Variants in SEC22C observed in about 807,000 individuals in gnomAD.
The protein encoded by SEC22C is vesicle-trafficking protein SEC22c.
In SEC22C, 29 loss-of-function variants were observed where a neutral mutation model predicts 34.7. That is an observed-to-expected ratio of 0.84 (90% CI 0.62 to 1.14). SEC22C has a LOEUF of 1.14. Ranked by LOEUF, SEC22C falls within the 50% of genes most tolerant of loss-of-function variation. The probability of loss-of-function intolerance (pLI) is 0.00; values close to 1 mark genes in which losing one functional copy is unlikely to be tolerated. For synonymous variants in SEC22C, 117 were observed against 132.8 expected, an observed-to-expected ratio of 0.88 and a Z score of 0.82; for missense variants, 337 against 369.0, an observed-to-expected ratio of 0.91 and a Z score of 0.71.
intron 6 of SEC22C, among the ~76,000 whole-genome samples, chr3:42,555,338 C>T (rs1702469548): frequency 6.9e-6 from 1 of 145,068 alleles, no homozygotes. Flanking sequence ...CAGTGCAAGA[C>T]TCCGTCTCAA....
intron 2 of SEC22C, 21 bp downstream of exon 2, chr3:42,568,844 A>G: frequency 6.2e-7 from 1 of 1,607,474 alleles, no homozygotes; most frequent in Middle Eastern, 1.7e-4. Context: ...ATATTCTGAA[A>G]AAGTGAATAT....
At position 42,553,184 on chromosome 3, in the gene SEC22C, G is replaced by A; in HGVS notation, c.*64C>T. 3 of 1,589,158 alleles carry A rather than the reference G, an allele frequency of 1.9e-6. No individual in the cohort carries two copies. Among genetic ancestry groups the A allele is most frequent in the African/African-American group, 1.3e-5 (1 of 74,230 alleles). On this transcript the variant is annotated 3_prime_UTR_variant, in exon 7 of 7. Transcript: ENST00000264454. ...AACTGGAGTGTAAAGTAGAGAAGCA[G>A]AAAGAGAAACATAGATTGATCCTCA...
At chr3:42,590,767 G>C in intron 1 of SEC22C, 1 of 935,362 alleles carries the variant, frequency 1.1e-6, no homozygotes, top group East Asian at 2.4e-5. Flanking sequence ...GCTCTTGCGC[G>C]TCCAGTCACA....
intron 2 of SEC22C, among the ~76,000 whole-genome samples, chr3:42,564,858 A>G (rs1041150376): frequency 3.3e-5 from 5 of 152,164 alleles, no homozygotes; most frequent in African/African-American, 1.2e-4. Flanking sequence ...CCCAGGCTCA[A>G]GCCATCCTCC....
At chr3:42,561,350 A>G (rs573462210) in intron 3 of SEC22C, 54 bp from the exon 4 acceptor site, 2 of 1,541,306 alleles carry the variant, frequency 1.3e-6, no homozygotes, top group Non-Finnish European at 1.8e-6. Flanking sequence ...GGATATTATA[A>G]GACAATACGT....
intron 1 of SEC22C, among the ~76,000 whole-genome samples, chr3:42,600,010 A>G (rs1327625101): frequency 6.6e-6 from 1 of 152,258 alleles, no homozygotes; most frequent in Non-Finnish European, 1.5e-5. Context: ...AGATTGGGAA[A>G]AAGACTTCGC....
rs1702210162 is a variant in SEC22C at position 42,550,698 on chromosome 3, G to A, written c.*2550C>T. The A allele has an allele frequency of 1.0e-6, 1 of 984,780 alleles. No homozygotes were observed. Among genetic ancestry groups the A allele is most frequent in the Admixed American group, 6.2e-5 (1 of 16,216 alleles). 61.0% of individuals were successfully genotyped at this position (984,780 alleles called of 1,614,324 possible). ...ATAACATCTCTGGTAGTGCCTCGGT[G>A]GTCAGGAAGCATTACCAGGAAGGAC... On this transcript the variant is annotated 3_prime_UTR_variant, in exon 7 of 7. Coordinates refer to ENST00000264454, the MANE Select transcript of SEC22C (RefSeq NM_032970.4).
rs146038938 is a variant in SEC22C, at chr3:42,600,190, G to A, written c.-28+770C>T. ...TCAGTAAGCACAGGACAAAAACGGTGCCAGTGACGCTGGTGCCAAAGCGGG... is the reference window on the plus strand; with the variant it reads ...TCAGTAAGCACAGGACAAAAACGGTACCAGTGACGCTGGTGCCAAAGCGGG... On this transcript the variant is annotated intron_variant, in intron 1 of 6. Coordinates refer to the SEC22C transcript ENST00000417572. 5.3e-4 allele frequency among the ~76,000 whole-genome samples: 81 copies of A among 152,284 alleles called. No homozygotes were observed. In the East Asian group the frequency reaches 0.011, roughly 21 times the overall value.
At position 42,552,211 on chromosome 3, in the gene SEC22C, T is replaced by TA; in HGVS notation, c.*1036dup. The TA allele has an allele frequency of 1.0e-6, 1 of 985,332 alleles. No homozygotes were observed. The highest frequency in any genetic ancestry group is 4.7e-5 in the South Asian group (1 of 21,286). 61.0% of individuals were successfully genotyped at this position (985,332 alleles called of 1,614,324 possible). A position where few individuals can be genotyped will look rare whatever the true frequency, so the allele number is the denominator to read the frequency against. ...TTAACAGATACTTAACTCTTGTTCA[T>TA]AAAAAATGAGGCCCTCAAGCTAATT... On this transcript the variant is annotated 3_prime_UTR_variant, in exon 7 of 7. Coordinates refer to ENST00000264454, the MANE Select transcript of SEC22C (RefSeq NM_032970.4).
intron 1 of SEC22C, among the ~76,000 whole-genome samples, chr3:42,589,877 C>T (rs1704755424): frequency 6.6e-6 from 1 of 152,154 alleles, no homozygotes; most frequent in Non-Finnish European, 1.5e-5. Context: ...CAGGAGTAAC[C>T]ATGTGGCCCA....
chr3:42,563,873 T>G (rs974911492), intron 2 of SEC22C, 187 bp from the exon 3 acceptor site: 7 of 1,483,768 alleles, frequency 4.7e-6, no homozygotes, highest in Non-Finnish European at 6.3e-6. Flanking sequence ...CCGCTTCCTT[T>G]AAAATGTCTA....
intron 1 of SEC22C, among the ~76,000 whole-genome samples, chr3:42,589,108 C>CAA (rs35697413): frequency 1.4e-4 from 21 of 145,574 alleles, no homozygotes; most frequent in South Asian, 4.3e-4. Context: ...ACTAAAGATA[C>CAA]AAAAAAAAAA....
At chr3:42,583,187 T>C (rs1342592234), upstream of SEC22C, among the ~76,000 whole-genome samples, 1 of 152,198 alleles carries the variant, frequency 6.6e-6, no homozygotes. Context: ...CTTTGGCTGC[T>C]AAAGTGCAGA....
chr3:42,589,591 C>A (rs1037467108), intron 1 of SEC22C, among the ~76,000 whole-genome samples: 1 of 152,196 alleles, frequency 6.6e-6, no homozygotes, highest in Non-Finnish European at 1.5e-5. Flanking sequence ...CATTCTGCCC[C>A]CTCAGATCAG....
intron 6 of SEC22C, among the ~76,000 whole-genome samples, chr3:42,555,052 A>T (rs901027264): frequency 2.2e-4 from 33 of 152,156 alleles, no homozygotes; most frequent in African/African-American, 7.2e-4. Context: ...TTTTTAAAAA[A>T]TTTTTTGCAG....
intron 1 of SEC22C, chr3:42,580,574 G>A (rs1233151628): frequency 1.3e-5 from 2 of 152,196 alleles, no homozygotes; most frequent in African/African-American, 4.8e-5. Context: ...GAGGGGTAGG[G>A]AACTAAACTT....
chr3:42,549,686 T>A lies in SEC22C; in HGVS notation c.*3562A>T. ...GTTACAATTAAAGATGGTTTTCTCATCCCTCCAGAGACTCCAGTTTCAGAC... is the reference window on the plus strand; with the variant it reads ...GTTACAATTAAAGATGGTTTTCTCAACCCTCCAGAGACTCCAGTTTCAGAC... On this transcript the variant is annotated 3_prime_UTR_variant, in exon 7 of 7. Coordinates refer to ENST00000264454, the MANE Select transcript of SEC22C (RefSeq NM_032970.4). 1 of 985,442 alleles carries A rather than the reference T, an allele frequency of 1.0e-6. No individual in the cohort carries two copies. Among genetic ancestry groups the A allele is most frequent in the Non-Finnish European group, 1.2e-6 (1 of 829,974 alleles). 61.0% of individuals were successfully genotyped at this position (985,442 alleles called of 1,614,324 possible).
rs1473293007 is a variant in SEC22C, at chr3:42,552,215, A to C, written c.*1033T>G. ...CAGATACTTAACTCTTGTTCATAAA[A>C]AATGAGGCCCTCAAGCTAATTAAGA... On this transcript the variant is annotated 3_prime_UTR_variant, in exon 7 of 7. Coordinates refer to ENST00000264454, the MANE Select transcript of SEC22C (RefSeq NM_032970.4). 12 of 985,318 alleles carry C rather than the reference A, an allele frequency of 1.2e-5. No homozygotes were observed. The highest frequency in any genetic ancestry group is 1.4e-5 in the Non-Finnish European group (12 of 829,900). The allele number at this position is 985,318 out of a possible 1,614,324, so 61.0% of individuals were successfully genotyped here.
rs983480344 is a variant in SEC22C at position 42,549,682 on chromosome 3, C to T, written c.*3566G>A. ...ATTTGTTACAATTAAAGATGGTTTT[C>T]TCATCCCTCCAGAGACTCCAGTTTC... On this transcript the variant is annotated 3_prime_UTR_variant, in exon 7 of 7. Transcript: ENST00000264454. 78 of 985,398 alleles carry T rather than the reference C, an allele frequency of 7.9e-5. No individual in the cohort carries two copies. Among genetic ancestry groups the T allele is most frequent in the Middle Eastern group, 5.2e-4 (1 of 1,938 alleles). The allele number at this position is 985,398 out of a possible 1,614,324, so 61.0% of individuals were successfully genotyped here.
Sources: allele counts gnomAD v4.1 joint callset (sites outside exome capture counted in the v4.1 genomes callset), GRCh38; gene constraint gnomAD v4.1.1; transcripts MANE v1.5; gene names NCBI Gene and HGNC (gene_info 2026-07-23, HGNC 2026-07-21).